CPB1: variants seen among roughly 807,000 people sequenced by gnomAD.
The protein encoded by CPB1 is carboxypeptidase B.
A neutral mutation model predicts 51.4 loss-of-function variants in CPB1; 53 were observed. That is an observed-to-expected ratio of 1.03 (90% CI 0.83 to 1.30). CPB1 has a LOEUF of 1.30. Among genes scored for constraint, CPB1 ranks in the 50% most tolerant of loss-of-function variants. CPB1 has a pLI of 0.00. For missense variants in CPB1, 494 were observed against 516.2 expected, an observed-to-expected ratio of 0.96 and a Z score of 0.42; for synonymous variants, 189 against 186.9, an observed-to-expected ratio of 1.01 and a Z score of -0.09.
intron 3 of CPB1, among the ~76,000 whole-genome samples, chr3:148,836,276 A>C (rs1576567909): frequency 6.6e-6 from 1 of 152,022 alleles, no homozygotes; most frequent in Non-Finnish European, 1.5e-5. Context: ...TTAAGAATTG[A>C]CTGTCTTTTT....
intron 9 of CPB1, chr3:148,851,919 A>C (rs944387775): frequency 1.3e-5 from 2 of 152,350 alleles, no homozygotes; most frequent in East Asian, 3.9e-4. Flanking sequence ...TTGCAGGTCC[A>C]TTACAGGACT....
chr3:148,833,837 G>A (rs1016660974), intron 2 of CPB1, among the ~76,000 whole-genome samples: 1 of 151,902 alleles, frequency 6.6e-6, no homozygotes, highest in Non-Finnish European at 1.5e-5. Context: ...TGTATTCCTA[G>A]TCTCAGACAC....
At chr3:148,843,384 T>C (rs1429892101) in intron 6 of CPB1, among the ~76,000 whole-genome samples, 1 of 151,994 alleles carries the variant, frequency 6.6e-6, no homozygotes, top group Admixed American at 6.6e-5. Context: ...AATATTATTA[T>C]ATACAACATA....
chr3:148,853,314 A>G (rs1351133416), intron 9 of CPB1, among the ~76,000 whole-genome samples: 2 of 152,208 alleles, frequency 1.3e-5, no homozygotes, highest in Non-Finnish European at 1.5e-5. Flanking sequence ...GATTGGAACA[A>G]GGGCTATGTG....
rs1415150156 is a variant in CPB1 at position 148,860,150 on chromosome 3, A to G, written c.*148A>G. On this transcript the variant is annotated 3_prime_UTR_variant, in exon 11 of 11. Transcript: ENST00000282957. ...TATTAAACTAGGTAGATCTTTTCGT[A>G]TTGATCATAATAAAAGTGAATCATT... The G allele has an allele frequency of 1.4e-6, 1 of 692,442 alleles. No individual in the cohort carries two copies. Among genetic ancestry groups the G allele is most frequent in the African/African-American group, 1.8e-5 (1 of 55,612 alleles). 42.9% of individuals were successfully genotyped at this position (692,442 alleles called of 1,614,324 possible).
chr3:148,834,386 A>T, intron 2 of CPB1, 112 bp from the exon 3 acceptor site: 1 of 1,042,020 alleles, frequency 9.6e-7, no homozygotes, highest in Admixed American at 2.1e-5. Flanking sequence ...AACAGATTTC[A>T]TGGATGATTT....
intron 3 of CPB1, 131 bp downstream of exon 3, chr3:148,834,753 G>A (rs939096923): frequency 2.2e-5 from 15 of 692,372 alleles, no homozygotes; most frequent in South Asian, 5.2e-5. Flanking sequence ...AATAGGTAAT[G>A]GCAGAGCTGG....
intron 3 of CPB1, among the ~76,000 whole-genome samples, chr3:148,835,693 G>A (rs13066553): frequency 0.28 from 43,172 of 152,010 alleles, 6,547 homozygotes; most frequent in Middle Eastern, 0.38. Flanking sequence ...CTTGGGCTCC[G>A]GTCCTGAACA....
intron 10 of CPB1, among the ~76,000 whole-genome samples, chr3:148,858,697 C>T (rs943055332): frequency 6.6e-6 from 1 of 152,158 alleles, no homozygotes; most frequent in African/African-American, 2.4e-5. Context: ...TCAGTGTATG[C>T]AAGCAAGTGG....
intron 9 of CPB1, chr3:148,851,914 G>T (rs188358751): frequency 6.6e-6 from 1 of 152,126 alleles, no homozygotes; most frequent in Non-Finnish European, 1.5e-5. Flanking sequence ...TAGGATTGCA[G>T]GTCCATTACA....
intron 9 of CPB1, among the ~76,000 whole-genome samples, chr3:148,846,729 G>A (rs1356765598): frequency 5.5e-5 from 6 of 109,374 alleles, no homozygotes; most frequent in Non-Finnish European, 1.1e-4. Flanking sequence ...CCCCATCCAT[G>A]GCCAAAAATA....
chr3:148,843,214 A>G (rs947928208), intron 6 of CPB1, among the ~76,000 whole-genome samples: 2 of 152,178 alleles, frequency 1.3e-5, no homozygotes, highest in African/African-American at 2.4e-5. Flanking sequence ...TATCCATGCT[A>G]ATTTATTCAC....
At chr3:148,849,900 A>G (rs1053224549) in intron 9 of CPB1, among the ~76,000 whole-genome samples, 1 of 152,210 alleles carries the variant, frequency 6.6e-6, no homozygotes, top group African/African-American at 2.4e-5. Flanking sequence ...GGCTGCCTCA[A>G]TTTCCAAAGA....
intron 2 of CPB1, among the ~76,000 whole-genome samples, chr3:148,830,719 G>A (rs1399569356): frequency 6.6e-6 from 1 of 151,966 alleles, no homozygotes; most frequent in Non-Finnish European, 1.5e-5. Flanking sequence ...TTATCCTTGT[G>A]GTAATTTCAT....
intron 2 of CPB1, among the ~76,000 whole-genome samples, chr3:148,829,505 G>A (rs1477265517): frequency 6.6e-6 from 1 of 152,144 alleles, no homozygotes; most frequent in East Asian, 1.9e-4. Context: ...CAAACAGGAT[G>A]TCCCTCCTTT....
chr3:148,845,751 T>A (rs1713219233), intron 9 of CPB1, 125 bp downstream of exon 9: 1 of 719,576 alleles, frequency 1.4e-6, no homozygotes, highest in Non-Finnish European at 2.3e-6. Flanking sequence ...GGTAGTAGAA[T>A]TGAAAAACTT....
chr3:148,842,563 ACTC>A (rs1199680484), intron 6 of CPB1, among the ~76,000 whole-genome samples: 1 of 152,156 alleles, frequency 6.6e-6, no homozygotes, highest in African/African-American at 2.4e-5. Flanking sequence ...GCAAAGAACA[ACTC>A]CTTCTTGCAG....
intron 2 of CPB1, 49 bp downstream of exon 2, chr3:148,828,126 C>T (rs374526850): frequency 2.5e-5 from 34 of 1,386,978 alleles, no homozygotes; most frequent in Non-Finnish European, 3.4e-5. Flanking sequence ...AATCTTAGAT[C>T]GCACTGTGAT....
At position 148,839,648 on chromosome 3, in the gene CPB1, A is replaced by G. The variant is rs555703304; in HGVS notation, c.273-1038A>G. Among the ~76,000 whole-genome samples, 113 of 152,332 alleles carry G rather than the reference A, an allele frequency of 7.4e-4. 1 individual carries two copies. The highest frequency in any genetic ancestry group is 2.5e-3 in the African/African-American group (102 of 41,572). ...CACAAGTTCGTACCCAAGTTCACCAATTGAAGGAGTGACCAGGAGGAAGGT... is the reference window on the plus strand; with the variant it reads ...CACAAGTTCGTACCCAAGTTCACCAGTTGAAGGAGTGACCAGGAGGAAGGT... On this transcript the variant is annotated intron_variant, in intron 3 of 10. Coordinates refer to ENST00000282957, the MANE Select transcript of CPB1 (RefSeq NM_001871.3).
Sources: gnomAD v4.1 joint callset for allele counts (sites outside exome capture counted in the v4.1 genomes callset) on GRCh38, gnomAD v4.1.1 for gene constraint, MANE v1.5 for transcripts, NCBI Gene and HGNC (gene_info 2026-07-23, HGNC 2026-07-21) for gene names.